RARB: variants seen among roughly 807,000 people sequenced by gnomAD.
RARB encodes the protein retinoic acid receptor beta, also known as HBV-activated protein.
A neutral mutation model predicts 51.9 loss-of-function variants in RARB; 17 were observed. That is an observed-to-expected ratio of 0.33 (90% CI 0.22 to 0.49). The LOEUF is 0.49. Among genes scored for constraint, RARB ranks in the 20% least tolerant of loss-of-function variants. The pLI is 0.99. For synonymous variants in RARB, 215 were observed against 195.4 expected, an observed-to-expected ratio of 1.10 and a Z score of -0.84; for missense variants, 369 against 550.8, an observed-to-expected ratio of 0.67 and a Z score of 3.30.
intron 2 of RARB, among the ~76,000 whole-genome samples, chr3:25,045,318 T>G (rs1698191517): frequency 6.6e-6 from 1 of 152,150 alleles, no homozygotes; most frequent in Non-Finnish European, 1.5e-5. Flanking sequence ...CTCCCCTAAT[T>G]AACAGAGTTG....
At chr3:25,428,124 G>C, upstream of RARB, 2 of 831,176 alleles carry the variant, frequency 2.4e-6, no homozygotes, top group Non-Finnish European at 3.2e-6. Flanking sequence ...TTGCAGGGCT[G>C]CTGGGAGTTT....
chr3:25,430,984 A>G (rs1170164667), intron 1 of RARB, among the ~76,000 whole-genome samples: 1 of 142,334 alleles, frequency 7.0e-6, no homozygotes, highest in African/African-American at 2.6e-5. Flanking sequence ...AAATAAAACT[A>G]AAACTTTTTT....
In RARB at chr3:25,514,571, T is replaced by C. The variant is rs531512628; in HGVS notation, c.448+13248T>C. ...TTTTAGGACACAAATATTTTATTGA[T>C]ATTGGAAAATGCAACTCCTCCATTT... On this transcript the variant is annotated intron_variant, in intron 3 of 7. Transcript: ENST00000330688. 7.2e-5 allele frequency among the ~76,000 whole-genome samples: 11 copies of C among 152,308 alleles called. No individual in the cohort carries two copies. The East Asian group carries it at 1.9e-3, about 27-fold the overall frequency.
chr3:25,180,681 G>T (rs1272169149), intron 5 of RARB, among the ~76,000 whole-genome samples: 1 of 152,096 alleles, frequency 6.6e-6, no homozygotes, highest in African/African-American at 2.4e-5. Flanking sequence ...TTCTGTCTTT[G>T]TTTCTCTGTT....
chr3:25,051,235 CAGAT>C (rs1698326440), intron 2 of RARB, among the ~76,000 whole-genome samples: 1 of 151,984 alleles, frequency 6.6e-6, no homozygotes, highest in Non-Finnish European at 1.5e-5. Context: ...TATTAAGACA[CAGAT>C]AAAGTAATAC....
chr3:25,564,029 C>G (rs1237716127), intron 3 of RARB, among the ~76,000 whole-genome samples: 1 of 147,390 alleles, frequency 6.8e-6, no homozygotes, highest in Non-Finnish European at 1.5e-5. Context: ...GAATCTACAT[C>G]TTTTGCATGT....
At chr3:24,888,094 G>A (rs1703298017) in intron 2 of RARB, among the ~76,000 whole-genome samples, 1 of 151,892 alleles carries the variant, frequency 6.6e-6, no homozygotes, top group Admixed American at 6.6e-5. Context: ...CATTTTTGAG[G>A]GATAAAAAAA....
intron 5 of RARB, among the ~76,000 whole-genome samples, chr3:25,175,130 T>C (rs942040733): frequency 5.3e-5 from 8 of 152,218 alleles, no homozygotes. Context: ...TCCCAGATCT[T>C]CCCTTAAATT....
chr3:25,016,757 A>C (rs1697517731), intron 2 of RARB, among the ~76,000 whole-genome samples: 1 of 152,074 alleles, frequency 6.6e-6, no homozygotes, highest in Non-Finnish European at 1.5e-5. Context: ...CCACAGAGAC[A>C]TAGTGCTCAG....
chr3:24,972,211 T>C (rs1347917969), intron 2 of RARB, among the ~76,000 whole-genome samples: 2 of 151,936 alleles, frequency 1.3e-5, no homozygotes, highest in Admixed American at 6.6e-5. Flanking sequence ...TCCACTCTTT[T>C]AGCTCCCACA....
At chr3:25,021,009 C>T (rs903395269) in intron 2 of RARB, among the ~76,000 whole-genome samples, 1 of 152,016 alleles carries the variant, frequency 6.6e-6, no homozygotes, top group Non-Finnish European at 1.5e-5. Flanking sequence ...TTTCTAGTGG[C>T]ATCATTTTAC....
intron 5 of RARB, among the ~76,000 whole-genome samples, chr3:25,338,084 C>G (rs184047900): frequency 7.2e-6 from 1 of 139,190 alleles, no homozygotes; most frequent in East Asian, 2.1e-4. Context: ...TGTCACCCCC[C>G]TCCAAACCCC....
chr3:25,402,478 A>C (rs78698430), intron 5 of RARB, among the ~76,000 whole-genome samples: 2,262 of 152,346 alleles, frequency 0.015, 57 homozygotes, highest in African/African-American at 0.052. Flanking sequence ...AAAGGAAATC[A>C]GAATATCAAA....
chr3:25,405,362 A>G (rs1450253973), intron 5 of RARB, among the ~76,000 whole-genome samples: 1 of 152,174 alleles, frequency 6.6e-6, no homozygotes, highest in African/African-American at 2.4e-5. Context: ...CTATTTAACA[A>G]ACAAACAACT....
intron 1 of RARB, among the ~76,000 whole-genome samples, chr3:24,853,983 A>G (rs1487907950): frequency 6.6e-6 from 1 of 152,222 alleles, no homozygotes; most frequent in African/African-American, 2.4e-5. Flanking sequence ...TCACTCAAGG[A>G]TCAGATTGAA....
chr3:25,576,048 T>C (rs1700914203), intron 4 of RARB, among the ~76,000 whole-genome samples: 1 of 151,904 alleles, frequency 6.6e-6, no homozygotes, highest in African/African-American at 2.4e-5. Flanking sequence ...GTACCCACAT[T>C]CTTCCTCAGT....
intron 2 of RARB, among the ~76,000 whole-genome samples, chr3:24,907,527 ACT>A (rs1694892543): frequency 6.6e-6 from 1 of 152,188 alleles, no homozygotes; most frequent in Admixed American, 6.5e-5. Context: ...GGTCAGACTA[ACT>A]CCAAAGCATC....
At chr3:25,163,504 A>AAAAAAAAAAAAAATATATAT (rs1303712411) in intron 4 of RARB, among the ~76,000 whole-genome samples, 36 of 131,074 alleles carry the variant, frequency 2.7e-4, no homozygotes, top group African/African-American at 1.1e-3. Context: ...CCTATCTCAA[A>AAAAAAAAAAAAAATATATAT]ATATATATAT....
intron 2 of RARB, among the ~76,000 whole-genome samples, chr3:25,001,876 C>G (rs974251046): frequency 6.6e-6 from 1 of 152,152 alleles, no homozygotes. Context: ...CCTCCAAGCT[C>G]AAGCAATTCT....
Sources: gnomAD v4.1 joint callset for allele counts (sites outside exome capture counted in the v4.1 genomes callset) on GRCh38, gnomAD v4.1.1 for gene constraint, MANE v1.5 for transcripts, NCBI Gene and HGNC (gene_info 2026-07-23, HGNC 2026-07-21) for gene names.